SPIN1: variants seen among roughly 807,000 people sequenced by gnomAD.
SPIN1 encodes spindlin 1, also known as spindlin-1.
SPIN1 carries 3 observed loss-of-function variants against 26.0 expected under a neutral mutation model. The ratio of observed to expected loss-of-function variants is 0.12; its 90% CI spans 0.05 to 0.30. The LOEUF is 0.30. Ranked by LOEUF, SPIN1 falls within the 10% of genes least tolerant of loss-of-function variation. SPIN1 has a pLI of 1.00. For synonymous variants in SPIN1, 101 were observed against 116.5 expected, an observed-to-expected ratio of 0.87 and a Z score of 0.86; for missense variants, 126 against 333.4, an observed-to-expected ratio of 0.38 and a Z score of 4.84.
intron 2 of SPIN1, among the ~76,000 whole-genome samples, chr9:88,447,927 A>G (rs937540306): frequency 6.6e-6 from 1 of 152,324 alleles, no homozygotes; most frequent in Admixed American, 6.5e-5. Context: ...CCTATCAGCC[A>G]GCATCTGAAA....
chr9:88,443,119 C>CA (rs769488109), intron 2 of SPIN1, among the ~76,000 whole-genome samples: 8,902 of 80,432 alleles, frequency 0.11, 1,034 homozygotes, highest in African/African-American at 0.27. Flanking sequence ...GACTCCATCT[C>CA]AAAAAAAAAA....
intron 5 of SPIN1, among the ~76,000 whole-genome samples, chr9:88,472,576 T>TC (rs1280407979): frequency 1.3e-5 from 2 of 151,978 alleles, no homozygotes; most frequent in African/African-American, 4.8e-5. Context: ...CACTACAACC[T>TC]CCAACTCCCA....
At chr9:88,434,440 G>GTTCT (rs1827957895) in intron 2 of SPIN1, among the ~76,000 whole-genome samples, 1 of 146,906 alleles carries the variant, frequency 6.8e-6, no homozygotes, top group Non-Finnish European at 1.5e-5. Context: ...TATAAATTAC[G>GTTCT]GTTTTCTTCA....
intron 1 of SPIN1, among the ~76,000 whole-genome samples, chr9:88,393,583 A>G (rs1013924619): frequency 3.4e-5 from 5 of 148,300 alleles, no homozygotes; most frequent in Admixed American, 6.8e-5. Context: ...AGCCTCCCGA[A>G]TAGCTGGGTC....
chr9:88,403,041 C>G (rs116429875), intron 1 of SPIN1, among the ~76,000 whole-genome samples: 1 of 152,070 alleles, frequency 6.6e-6, no homozygotes, highest in East Asian at 1.9e-4. Flanking sequence ...TTGTATTTAC[C>G]TGATGATTAC....
intron 1 of SPIN1, among the ~76,000 whole-genome samples, chr9:88,424,517 C>A (rs1412065276): frequency 6.6e-6 from 1 of 152,080 alleles, no homozygotes; most frequent in Non-Finnish European, 1.5e-5. Context: ...ATGTGATTGA[C>A]CATCCATGAA....
chr9:88,460,431 A>G (rs1828557182), intron 3 of SPIN1, among the ~76,000 whole-genome samples: 1 of 152,154 alleles, frequency 6.6e-6, no homozygotes, highest in South Asian at 2.1e-4. Context: ...TTCCTGATAC[A>G]TGTTCTTACG....
chr9:88,411,786 A>C (rs915152232), intron 1 of SPIN1, among the ~76,000 whole-genome samples: 6 of 152,098 alleles, frequency 3.9e-5, no homozygotes, highest in Non-Finnish European at 8.8e-5. Context: ...AAGTGCTGGG[A>C]TTACAGGTGT....
At chr9:88,432,011 C>T (rs1827886359) in intron 2 of SPIN1, among the ~76,000 whole-genome samples, 1 of 152,032 alleles carries the variant, frequency 6.6e-6, no homozygotes, top group African/African-American at 2.4e-5. Flanking sequence ...GCATTCCTGC[C>T]TGGGTGACAG....
At chr9:88,441,647 T>G (rs1261713483) in intron 2 of SPIN1, among the ~76,000 whole-genome samples, 1 of 151,534 alleles carries the variant, frequency 6.6e-6, no homozygotes, top group Non-Finnish European at 1.5e-5. Context: ...CCCAGCTACT[T>G]CAGAGGTTGA....
rs1230880262 is a variant in SPIN1 at position 88,475,705 on chromosome 9, A to T, written c.*428A>T. Reference sequence around the variant, plus strand: ...TATCTATATGTGTGTATACATATATAATATATACACACAGATACAAGTGTA... The same window carrying T: ...TATCTATATGTGTGTATACATATATTATATATACACACAGATACAAGTGTA... On this transcript the variant is annotated 3_prime_UTR_variant, in exon 6 of 6. Coordinates refer to ENST00000375859, the MANE Select transcript of SPIN1 (RefSeq NM_006717.3). 2 of 160,558 alleles carry T rather than the reference A, an allele frequency of 1.2e-5. No homozygotes were observed. The highest frequency in any genetic ancestry group is 1.2e-4 in the Admixed American group (2 of 17,096). The allele number at this position is 160,558 out of a possible 1,614,324, so 9.9% of individuals were successfully genotyped here. A position where few individuals can be genotyped will look rare whatever the true frequency, so the allele number is the denominator to read the frequency against.
Position 88,475,336 on chromosome 9 carries a change from A to G in SPIN1, c.*59A>G. The G allele has an allele frequency of 6.5e-7, 1 of 1,545,610 alleles. No homozygotes were observed. The highest frequency in any genetic ancestry group is 1.4e-5 in the African/African-American group (1 of 73,220). On this transcript the variant is annotated 3_prime_UTR_variant, in exon 6 of 6. Coordinates refer to ENST00000375859, the MANE Select transcript of SPIN1 (RefSeq NM_006717.3). ...TATGAAATGTATTATTTGTAGACAT[A>G]AAGACTTGATTGCTTTCCAGTTTAA...
At chr9:88,443,231 T>A (rs1828177506) in intron 2 of SPIN1, among the ~76,000 whole-genome samples, 1 of 152,328 alleles carries the variant, frequency 6.6e-6, no homozygotes, top group Middle Eastern at 3.4e-3. Context: ...CTTTTGTACT[T>A]GTCCCATAGT....
At chr9:88,415,338 A>T (rs1314484623) in intron 1 of SPIN1, among the ~76,000 whole-genome samples, 1 of 152,202 alleles carries the variant, frequency 6.6e-6, no homozygotes, top group Non-Finnish European at 1.5e-5. Flanking sequence ...ATAAGGATTG[A>T]GCCCTTTATT....
intron 2 of SPIN1, among the ~76,000 whole-genome samples, chr9:88,440,968 A>G (rs567845235): frequency 6.6e-6 from 1 of 151,552 alleles, no homozygotes; most frequent in South Asian, 2.1e-4. Flanking sequence ...CTACTTCGAA[A>G]TAATAATATA....
chr9:88,451,483 A>C (rs1377783803), intron 3 of SPIN1, among the ~76,000 whole-genome samples: 8 of 152,176 alleles, frequency 5.3e-5, no homozygotes, highest in Non-Finnish European at 1.0e-4. Context: ...GTTTTGGGTG[A>C]AACTGGTGGA....
At chr9:88,418,874 G>C (rs999069497) in intron 1 of SPIN1, 1 of 152,172 alleles carries the variant, frequency 6.6e-6, no homozygotes, top group Non-Finnish European at 1.5e-5. Context: ...AGATGGAATA[G>C]TTATAGTGCA....
At chr9:88,472,342 C>T (rs1318386608) in intron 5 of SPIN1, among the ~76,000 whole-genome samples, 1 of 152,202 alleles carries the variant, frequency 6.6e-6, no homozygotes, top group Admixed American at 6.5e-5. Context: ...TCCAGCGATT[C>T]TCCTGCCTCA....
chr9:88,433,607 C>A (rs1411932977), intron 2 of SPIN1, among the ~76,000 whole-genome samples: 1 of 152,182 alleles, frequency 6.6e-6, no homozygotes, highest in Non-Finnish European at 1.5e-5. Context: ...GAAATGTTTT[C>A]TTTGGAGATG....
Sources: gnomAD v4.1 joint callset for allele counts (sites outside exome capture counted in the v4.1 genomes callset) on GRCh38, gnomAD v4.1.1 for gene constraint, MANE v1.5 for transcripts, NCBI Gene and HGNC (gene_info 2026-07-23, HGNC 2026-07-21) for gene names.